Variants in CREBRF observed in about 807,000 individuals in gnomAD.
The protein encoded by CREBRF is UPF0474 protein C5orf41.
Under a neutral mutation model 66.1 loss-of-function variants are expected in CREBRF, and 5 were observed. The observed-to-expected ratio is 0.08, with a 90% CI of 0.04 to 0.16. CREBRF has a LOEUF of 0.16. CREBRF is among the 10% of genes least tolerant of loss of function. The pLI, the probability that CREBRF is intolerant of heterozygous loss-of-function variation, is 1.00. For synonymous variants in CREBRF, 229 were observed against 264.4 expected, an observed-to-expected ratio of 0.87 and a Z score of 1.30; for missense variants, 531 against 744.9, an observed-to-expected ratio of 0.71 and a Z score of 3.34.
At chr5:173,129,139 C>T (rs1409782139) in intron 8 of CREBRF, among the ~76,000 whole-genome samples, 9 of 80,478 alleles carry the variant, frequency 1.1e-4, no homozygotes, top group African/African-American at 4.0e-4. Flanking sequence ...TTTTTTGAGA[C>T]GGAGTCTCGC....
rs750258172 is a variant in CREBRF at position 173,134,308 on chromosome 5, G to T, written c.*563G>T. The T allele has an allele frequency of 4.3e-5, 9 of 209,644 alleles. No homozygotes were observed. The South Asian group carries it at 6.0e-4, about 14-fold the overall frequency. 13.0% of individuals were successfully genotyped at this position (209,644 alleles called of 1,614,324 possible). A position where few individuals can be genotyped will look rare whatever the true frequency, so the allele number is the denominator to read the frequency against. ...TATATATACACACACACACACAAAT[G>T]TCTGTGCAAGTAAGAAAAAAAAAGC... On this transcript the variant is annotated 3_prime_UTR_variant, in exon 9 of 9. Coordinates refer to ENST00000296953, the MANE Select transcript of CREBRF (RefSeq NM_153607.3).
chr5:173,082,008 T>C (rs1269295002), intron 2 of CREBRF, among the ~76,000 whole-genome samples: 1 of 44,262 alleles, frequency 2.3e-5, no homozygotes, highest in Non-Finnish European at 6.3e-5. Context: ...GTTTAGTTTT[T>C]TTTTTTTTTT....
chr5:173,058,285 G>A (rs1414022707), intron 1 of CREBRF, among the ~76,000 whole-genome samples: 1 of 152,096 alleles, frequency 6.6e-6, no homozygotes, highest in Admixed American at 6.5e-5. Context: ...GTTTACATCG[G>A]ATTACAACCT....
At chr5:173,117,257 G>A (rs1283410395) in intron 7 of CREBRF, among the ~76,000 whole-genome samples, 4 of 151,736 alleles carry the variant, frequency 2.6e-5, no homozygotes, top group Non-Finnish European at 4.4e-5. Context: ...GTGAGCACCT[G>A]TAATCCTAGC....
At chr5:173,110,830 T>A in intron 6 of CREBRF, 119 bp downstream of exon 6, 1 of 689,212 alleles carries the variant, frequency 1.5e-6, no homozygotes, top group Non-Finnish European at 2.3e-6. Flanking sequence ...AATACTACAA[T>A]GAGAATATTA....
chr5:173,080,547 C>T, intron 1 of CREBRF, 38 bp from the exon 2 acceptor site: 2 of 529,130 alleles, frequency 3.8e-6, no homozygotes, highest in African/African-American at 1.9e-5. Context: ...ACTTGTTTTT[C>T]CTGGAATTCA....
Position 173,090,941 on chromosome 5 carries a change from G to C in CREBRF, c.762G>C (p.Gln254His), listed in dbSNP as rs752206192. 3.5e-5 allele frequency: 57 copies of C among 1,614,084 alleles called. No individual in the cohort carries two copies. The highest frequency in any genetic ancestry group is 9.9e-5 in the South Asian group (9 of 91,082). The change falls in exon 4 of 9, where the codon CAG becomes CAC. Residue 254 changes from glutamine to histidine, a missense_variant. By Grantham distance (24) the Gln-to-His change is conservative (BLOSUM62 0). Coordinates refer to ENST00000296953, the MANE Select transcript of CREBRF (RefSeq NM_153607.3). The surrounding 1 kb of genome is among the most constrained non-coding windows in gnomAD (Gnocchi z 4.5). The part of the protein sequence containing the change: ...PVQQSRPLLS[Q>H]IHTDAAKENT... ...AACAGAGCCGGCCCTTGTTGAGCCA[G>C]ATTCACACAGATGCAGCAAAGGAGA...
intron 1 of CREBRF, among the ~76,000 whole-genome samples, chr5:173,058,964 T>A (rs1757172932): frequency 6.6e-6 from 1 of 150,828 alleles, no homozygotes; most frequent in South Asian, 2.1e-4. Flanking sequence ...CCTGGCTAAT[T>A]TTTTGTGTTT....
Position 173,133,609 on chromosome 5 carries a change from G to A in CREBRF, c.1805-21G>A, listed in dbSNP as rs753627464. ...GCCTTCCATTTTTGTGTCTAGATGT[G>A]CCTTTTATTCTTCTCTTCAGGTCTA... On this transcript the variant is annotated intron_variant, in intron 8 of 8. Coordinates refer to ENST00000296953, the MANE Select transcript of CREBRF (RefSeq NM_153607.3). 16 of 1,429,744 alleles carry A rather than the reference G, an allele frequency of 1.1e-5. No individual in the cohort carries two copies. In the East Asian group the frequency reaches 3.7e-4, roughly 33 times the overall value. 88.6% of individuals were successfully genotyped at this position (1,429,744 alleles called of 1,614,324 possible).
In CREBRF at chr5:173,091,026, C is replaced by G. The variant is rs200420119; in HGVS notation, c.847C>G (p.Gln283Glu). The stretch of plus-strand genomic sequence containing the variant: ...AGAGAAAAAAGGGATGGAGCCTCTT[C>G]AAGGTCATGCCACTCCCGCTTTGCC... ...RQEKKGMEPL[Q>E]GHATPALPFK... The change falls in exon 4 of 9, where the codon CAA becomes GAA. Residue 283 changes from glutamine (Q) to glutamate (E), a missense_variant. By Grantham distance (29) the Gln-to-Glu change is conservative. Transcript: ENST00000296953. The G allele has an allele frequency of 4.9e-5, 79 of 1,614,074 alleles. No individual in the cohort carries two copies. Among genetic ancestry groups the G allele is most frequent in the Non-Finnish European group, 1.2e-5 (14 of 1,180,034 alleles).
intron 1 of CREBRF, among the ~76,000 whole-genome samples, chr5:173,073,342 G>C (rs1434838488): frequency 6.6e-6 from 1 of 152,210 alleles, no homozygotes; most frequent in Non-Finnish European, 1.5e-5. Flanking sequence ...ATATTACCTA[G>C]ATGTTTTATC....
intron 4 of CREBRF, among the ~76,000 whole-genome samples, chr5:173,100,723 C>G (rs576353535): frequency 4.7e-4 from 71 of 152,362 alleles, no homozygotes; most frequent in Non-Finnish European, 6.8e-4. Context: ...ACCGCTCCCC[C>G]CCAACCCATA....
chr5:173,117,821 G>T (rs1427128819), intron 7 of CREBRF, among the ~76,000 whole-genome samples: 1 of 149,222 alleles, frequency 6.7e-6, no homozygotes. Flanking sequence ...AGCGATTCTC[G>T]TGCCTCAGCC....
chr5:173,129,242 G>T (rs1204230319), intron 8 of CREBRF, among the ~76,000 whole-genome samples: 2 of 144,900 alleles, frequency 1.4e-5, no homozygotes, highest in Non-Finnish European at 3.0e-5. Context: ...TCAGCCTCCC[G>T]AGTAGCTGGG....
At chr5:173,072,899 C>A (rs1757639875) in intron 1 of CREBRF, among the ~76,000 whole-genome samples, 1 of 152,130 alleles carries the variant, frequency 6.6e-6, no homozygotes, top group African/African-American at 2.4e-5. Flanking sequence ...ATCTGTACAT[C>A]TTTGTTAAAA....
At chr5:173,063,126 C>G (rs142865666) in intron 1 of CREBRF, among the ~76,000 whole-genome samples, 1 of 152,070 alleles carries the variant, frequency 6.6e-6, no homozygotes. Context: ...ACGCAGGGTG[C>G]GGCAGTAGTA....
At chr5:173,064,515 C>G (rs189194003) in intron 1 of CREBRF, among the ~76,000 whole-genome samples, 36 of 151,646 alleles carry the variant, frequency 2.4e-4, no homozygotes, top group Admixed American at 2.2e-3. Context: ...TCCTGAGCCT[C>G]CTGACTATCT....
At position 173,133,773 on chromosome 5, in the gene CREBRF, A is replaced by G; in HGVS notation, c.*28A>G. On this transcript the variant is annotated 3_prime_UTR_variant, in exon 9 of 9. Coordinates refer to ENST00000296953, the MANE Select transcript of CREBRF (RefSeq NM_153607.3). ...AGCCTCATTGGACCACTGGTCAGAA[A>G]TGTCTGCGTTTTGTCACGTTATCCA... The G allele has an allele frequency of 8.1e-7, 1 of 1,232,522 alleles. No individual in the cohort carries two copies. 76.3% of individuals were successfully genotyped at this position (1,232,522 alleles called of 1,614,324 possible).
intron 1 of CREBRF, 56 bp from the exon 2 acceptor site, chr5:173,080,529 A>T: frequency 1.9e-6 from 1 of 529,680 alleles, no homozygotes; most frequent in Non-Finnish European, 3.4e-6. Context: ...TTTTTTTTTG[A>T]AACATCAACT....
Sources: gnomAD v4.1 joint callset for allele counts (sites outside exome capture counted in the v4.1 genomes callset) on GRCh38, gnomAD v4.1.1 for gene constraint, Gnocchi (gnomAD v3.1) non-coding constraint, MANE v1.5 for transcripts, NCBI Gene and HGNC (gene_info 2026-07-23, HGNC 2026-07-21) for gene names.